The following NUMB variants were observed in gnomAD, a reference collection of about 807,000 sequenced individuals.
NUMB encodes the protein protein numb homolog.
In NUMB, 29 loss-of-function variants were observed where a neutral mutation model predicts 59.7. The ratio of observed to expected loss-of-function variants is 0.49; its 90% CI spans 0.36 to 0.66. The LOEUF (loss-of-function observed/expected upper bound fraction) is 0.66. NUMB is among the 30% of genes least tolerant of loss of function. NUMB has a pLI of 0.00. For synonymous variants in NUMB, 288 were observed against 288.2 expected, an observed-to-expected ratio of 1.00 and a Z score of 0.01; for missense variants, 723 against 822.0, an observed-to-expected ratio of 0.88 and a Z score of 1.47.
At chr14:73,352,382 C>T (rs1301008359) in intron 4 of NUMB, among the ~76,000 whole-genome samples, 1 of 142,254 alleles carries the variant, frequency 7.0e-6, no homozygotes, top group Non-Finnish European at 1.5e-5. Flanking sequence ...TCTTACAGAA[C>T]CAGATTTCTT....
chr14:73,391,062 AAT>A (rs1485385100), intron 2 of NUMB, among the ~76,000 whole-genome samples: 8 of 151,806 alleles, frequency 5.3e-5, no homozygotes, highest in East Asian at 1.9e-4. Context: ...ATAGAGGTTG[AAT>A]ATATATTCAA....
chr14:73,391,467 A>T (rs1056142908), intron 2 of NUMB, among the ~76,000 whole-genome samples: 11 of 152,172 alleles, frequency 7.2e-5, no homozygotes, highest in African/African-American at 2.7e-4. Flanking sequence ...TTATTATTTA[A>T]TTAAATAATT....
rs1888178350 is a variant in NUMB at position 73,276,673 on chromosome 14, CCCACTGGGCTTCAAAAGGAT to C, written c.1841_1860del (p.Asp614GlyfsTer6). The C allele has an allele frequency of 1.2e-6, 2 of 1,614,098 alleles. No individual in the cohort carries two copies. The highest frequency in any genetic ancestry group is 1.7e-6 in the Non-Finnish European group (2 of 1,180,054). On this transcript the variant is annotated frameshift_variant, in exon 13 of 13. Coordinates refer to ENST00000555238, the MANE Select transcript of NUMB (RefSeq NM_001005743.2). LOFTEE classifies it high-confidence loss of function. ...TGCTTGGACTTATTTTCTAATGCAG[CCCACTGGGCTTCAAAAGGAT>C]CCACTGGGCAGGTGCCTGTAGGAAC...
At chr14:73,425,985 T>A (rs192796603) in intron 1 of NUMB, among the ~76,000 whole-genome samples, 345 of 152,132 alleles carry the variant, frequency 2.3e-3, no homozygotes, top group Non-Finnish European at 3.9e-3. Context: ...ATTTTTTGTA[T>A]TTTTAGTAGA....
intron 1 of NUMB, among the ~76,000 whole-genome samples, chr14:73,454,398 C>T (rs940319929): frequency 5.3e-5 from 8 of 151,834 alleles, no homozygotes; most frequent in South Asian, 2.1e-4. Context: ...TAGGAAGTTT[C>T]GAAGCAAACT....
At chr14:73,431,019 C>A (rs1897804392) in intron 1 of NUMB, among the ~76,000 whole-genome samples, 1 of 151,930 alleles carries the variant, frequency 6.6e-6, no homozygotes, top group South Asian at 2.1e-4. Flanking sequence ...AGTACAGTAG[C>A]GCAATCTTGG....
chr14:73,405,159 T>C (rs1441215175), intron 2 of NUMB, among the ~76,000 whole-genome samples: 1 of 152,222 alleles, frequency 6.6e-6, no homozygotes, highest in African/African-American at 2.4e-5. Context: ...ATGGAATGCA[T>C]GAACAGCTAT....
chr14:73,382,447 CAAA>C (rs151055012), intron 2 of NUMB, among the ~76,000 whole-genome samples: 2 of 132,878 alleles, frequency 1.5e-5, no homozygotes. Context: ...ATTTTTATAG[CAAA>C]AAAAAAAAAA....
chr14:73,326,381 C>A (rs573074770), intron 4 of NUMB, among the ~76,000 whole-genome samples: 1 of 152,202 alleles, frequency 6.6e-6, no homozygotes, highest in South Asian at 2.1e-4. Flanking sequence ...AATCCCAGCA[C>A]TTTGGGAGGC....
intron 2 of NUMB, among the ~76,000 whole-genome samples, chr14:73,408,283 A>C (rs1027009415): frequency 6.6e-6 from 1 of 152,148 alleles, no homozygotes; most frequent in Admixed American, 6.6e-5. Context: ...TTAGCAGGTA[A>C]GACTGTACAA....
rs7153320 is a variant in NUMB at position 73,336,792 on chromosome 14, A to G, written c.127-13588T>C. On this transcript the variant is annotated intron_variant, in intron 4 of 12. Transcript: ENST00000555238. ...ATGTGAAGTTTCTGAACAAAATATT[A>G]GCAAACAGAATCCCTTAATATACTC... 6.8e-3 allele frequency among the ~76,000 whole-genome samples: 1,038 copies of G among 152,364 alleles called. 4 individuals are homozygous for G. Among genetic ancestry groups the G allele is most frequent in the South Asian group, 0.03 (144 of 4,832 alleles).
chr14:73,432,787 C>A (rs1324833144), intron 1 of NUMB, among the ~76,000 whole-genome samples: 2 of 152,124 alleles, frequency 1.3e-5, no homozygotes, highest in Non-Finnish European at 2.9e-5. Flanking sequence ...GATGCCTAGA[C>A]CCTCTTTCAA....
intron 1 of NUMB, among the ~76,000 whole-genome samples, chr14:73,438,179 AATCT>A (rs1288978007): frequency 1.3e-5 from 2 of 152,216 alleles, no homozygotes; most frequent in African/African-American, 4.8e-5. Flanking sequence ...CACTTACAAT[AATCT>A]ATTTTGAGAA....
intron 7 of NUMB, 58 bp from the exon 8 acceptor site, chr14:73,292,932 G>T: frequency 2.6e-6 from 4 of 1,544,598 alleles, no homozygotes; most frequent in Non-Finnish European, 3.6e-6. Context: ...GAGCTTCTCA[G>T]AACACAGGAT....
At chr14:73,343,534 G>A (rs774321879) in intron 4 of NUMB, among the ~76,000 whole-genome samples, 4 of 152,274 alleles carry the variant, frequency 2.6e-5, no homozygotes, top group East Asian at 1.9e-4. Flanking sequence ...CAAAGTAATC[G>A]CTTCCTTAGC....
chr14:73,394,245 G>A (rs2086434170), intron 2 of NUMB, among the ~76,000 whole-genome samples: 1 of 152,120 alleles, frequency 6.6e-6, no homozygotes, highest in Non-Finnish European at 1.5e-5. Flanking sequence ...CATCCCGGGA[G>A]ACAAATAAAA....
intron 1 of NUMB, among the ~76,000 whole-genome samples, chr14:73,445,828 C>T (rs556538632): frequency 2.0e-5 from 3 of 152,148 alleles, no homozygotes; most frequent in African/African-American, 7.2e-5. Flanking sequence ...TTTACCATAC[C>T]ACCTCCTATT....
chr14:73,417,795 T>C (rs940516463), intron 1 of NUMB, among the ~76,000 whole-genome samples: 12 of 152,252 alleles, frequency 7.9e-5, no homozygotes, highest in South Asian at 4.1e-4. Context: ...TGTCCACCGA[T>C]GGATGAATGG....
intron 1 of NUMB, among the ~76,000 whole-genome samples, chr14:73,416,016 G>A (rs1566787652): frequency 1.3e-5 from 2 of 152,214 alleles, no homozygotes; most frequent in Non-Finnish European, 2.9e-5. Flanking sequence ...ACTAAAGGCT[G>A]TTGGTTCAAA....
Sources: gnomAD v4.1 joint callset for allele counts (sites outside exome capture counted in the v4.1 genomes callset) on GRCh38, gnomAD v4.1.1 for gene constraint, MANE v1.5 for transcripts, NCBI Gene and HGNC (gene_info 2026-07-23, HGNC 2026-07-21) for gene names.